The following MAGI2 variants were observed in gnomAD, a reference collection of about 807,000 sequenced individuals.
MAGI2 encodes the protein membrane-associated guanylate kinase, WW and PDZ domain-containing protein 2.
Under a neutral mutation model 133.3 loss-of-function variants are expected in MAGI2, and 35 were observed. The ratio of observed to expected loss-of-function variants is 0.26; its 90% CI spans 0.20 to 0.35. The LOEUF is 0.35. Among genes scored for constraint, MAGI2 ranks in the 10% least tolerant of loss-of-function variants. The pLI, the probability that MAGI2 is intolerant of heterozygous loss-of-function variation, is 1.00. For synonymous variants in MAGI2, 729 were observed against 710.6 expected, an observed-to-expected ratio of 1.03 and a Z score of -0.41; for missense variants, 1,636 against 1,863.4, an observed-to-expected ratio of 0.88 and a Z score of 2.25.
At chr7:79,378,699 T>G (rs1249545629) in intron 1 of MAGI2, among the ~76,000 whole-genome samples, 4 of 151,406 alleles carry the variant, frequency 2.6e-5, no homozygotes, top group Admixed American at 6.6e-5. Context: ...AGTATATTGT[T>G]AATGCAGTTA....
At chr7:78,593,391 C>CA (rs1491434360) in intron 3 of MAGI2, among the ~76,000 whole-genome samples, 16 of 151,454 alleles carry the variant, frequency 1.1e-4, no homozygotes, top group South Asian at 4.2e-4. Context: ...GACTCCGTCT[C>CA]AAAAAAAAGC....
chr7:78,832,893 A>T (rs1420877131), intron 2 of MAGI2, among the ~76,000 whole-genome samples: 1 of 152,158 alleles, frequency 6.6e-6, no homozygotes, highest in Non-Finnish European at 1.5e-5. Context: ...GCAGATGTTC[A>T]TAGCTCTGGG....
intron 2 of MAGI2, among the ~76,000 whole-genome samples, chr7:78,978,518 C>T (rs143407711): frequency 6.7e-4 from 102 of 151,774 alleles, no homozygotes; most frequent in African/African-American, 1.9e-3. Context: ...ATAGGTGAAA[C>T]GCAGGAAGAG....
At chr7:79,171,770 A>ATATATATATATATATATATTTTTTTTTTT in intron 1 of MAGI2, among the ~76,000 whole-genome samples, 3 of 31,222 alleles carry the variant, frequency 9.6e-5, no homozygotes, top group Non-Finnish European at 2.2e-4. Context: ...ATATATATAT[A>ATATATATATATATATATATTTTTTTTTTT]TTTTTTTTTT....
At chr7:79,377,325 C>G (rs1486643380) in intron 1 of MAGI2, among the ~76,000 whole-genome samples, 1 of 151,734 alleles carries the variant, frequency 6.6e-6, no homozygotes, top group Non-Finnish European at 1.5e-5. Flanking sequence ...CACAACAAGC[C>G]TCCAGCTCAA....
chr7:78,572,077 T>G (rs907841647), intron 3 of MAGI2, among the ~76,000 whole-genome samples: 1 of 152,218 alleles, frequency 6.6e-6, no homozygotes, highest in Non-Finnish European at 1.5e-5. Flanking sequence ...ATACAACAAA[T>G]TAAAAAAAGA....
intron 10 of MAGI2, among the ~76,000 whole-genome samples, chr7:78,215,853 A>T (rs1365203098): frequency 6.6e-6 from 1 of 152,206 alleles, no homozygotes; most frequent in Non-Finnish European, 1.5e-5. Context: ...AAATGCACAG[A>T]TGTAAAGTGC....
intron 20 of MAGI2, among the ~76,000 whole-genome samples, chr7:78,082,348 G>A (rs73362651): frequency 0.063 from 9,644 of 152,216 alleles, 394 homozygotes; most frequent in African/African-American, 0.11. Flanking sequence ...AGAAGCAGAG[G>A]GGTTTAGGGG....
intron 20 of MAGI2, among the ~76,000 whole-genome samples, chr7:78,085,465 G>C (rs760830478): frequency 6.6e-6 from 1 of 151,910 alleles, no homozygotes; most frequent in African/African-American, 2.4e-5. Context: ...CGAGGCTGCA[G>C]TGAGCCATGA....
At chr7:79,133,308 C>T (rs1821104137) in intron 1 of MAGI2, among the ~76,000 whole-genome samples, 1 of 152,170 alleles carries the variant, frequency 6.6e-6, no homozygotes, top group Non-Finnish European at 1.5e-5. Flanking sequence ...TTTGATCCAT[C>T]ATGAGCTGAC....
chr7:79,339,404 C>T (rs2129098441), intron 1 of MAGI2, among the ~76,000 whole-genome samples: 1 of 150,456 alleles, frequency 6.6e-6, no homozygotes, highest in Non-Finnish European at 1.5e-5. Context: ...TGCAATCAGT[C>T]AATATTGTAC....
At chr7:78,233,529 C>T (rs572991892) in intron 10 of MAGI2, among the ~76,000 whole-genome samples, 12 of 152,166 alleles carry the variant, frequency 7.9e-5, no homozygotes, top group African/African-American at 2.9e-4. Flanking sequence ...GAATCACTAT[C>T]TTTATGATTT....
chr7:78,788,283 T>C (rs1826996852), intron 2 of MAGI2, among the ~76,000 whole-genome samples: 1 of 152,222 alleles, frequency 6.6e-6, no homozygotes, highest in Non-Finnish European at 1.5e-5. Context: ...ATTTCTACTC[T>C]GTGAATTGTC....
At chr7:78,430,812 T>C (rs566707253) in intron 6 of MAGI2, among the ~76,000 whole-genome samples, 177 of 152,176 alleles carry the variant, frequency 1.2e-3, no homozygotes, top group Non-Finnish European at 2.1e-3. Context: ...ATACAAATAA[T>C]GTGTTTACAG....
At chr7:78,303,650 A>T (rs1798030051) in intron 9 of MAGI2, among the ~76,000 whole-genome samples, 1 of 152,054 alleles carries the variant, frequency 6.6e-6, no homozygotes, top group Non-Finnish European at 1.5e-5. Context: ...TTTCAAGCCC[A>T]ACTTAGATTT....
intron 3 of MAGI2, among the ~76,000 whole-genome samples, chr7:78,535,082 A>C (rs1272724876): frequency 6.6e-6 from 1 of 152,190 alleles, no homozygotes; most frequent in Non-Finnish European, 1.5e-5. Flanking sequence ...CAGTGAGCCG[A>C]GATCGCACCA....
At chr7:78,650,708 G>C (rs958698112) in intron 2 of MAGI2, among the ~76,000 whole-genome samples, 2 of 152,130 alleles carry the variant, frequency 1.3e-5, no homozygotes, top group Non-Finnish European at 2.9e-5. Context: ...TTCAGCAGTA[G>C]TCTTTGTCCT....
At chr7:79,280,032 A>AT (rs1285279569) in intron 1 of MAGI2, among the ~76,000 whole-genome samples, 3 of 152,074 alleles carry the variant, frequency 2.0e-5, no homozygotes, top group Non-Finnish European at 4.4e-5. Context: ...TTTATTTTTT[A>AT]TTTTTTTAGC....
At chr7:78,635,357 C>T (rs1343175540) in intron 2 of MAGI2, among the ~76,000 whole-genome samples, 1 of 152,216 alleles carries the variant, frequency 6.6e-6, no homozygotes, top group African/African-American at 2.4e-5. Flanking sequence ...CAGCTTTCTG[C>T]TATTTCCTAG....
Sources: gnomAD v4.1 joint callset for allele counts (sites outside exome capture counted in the v4.1 genomes callset) on GRCh38, gnomAD v4.1.1 for gene constraint, MANE v1.5 for transcripts, NCBI Gene and HGNC (gene_info 2026-07-23, HGNC 2026-07-21) for gene names.